Variants in AMOTL1 observed in about 807,000 individuals in gnomAD.
The protein encoded by AMOTL1 is angiomotin-like protein 1.
AMOTL1 carries 45 observed loss-of-function variants against 102.9 expected under a neutral mutation model. The observed-to-expected ratio is 0.44, with a 90% CI of 0.34 to 0.56. AMOTL1 has a LOEUF of 0.56. Ranked by LOEUF, AMOTL1 falls within the 20% of genes least tolerant of loss-of-function variation. The pLI, the probability that AMOTL1 is intolerant of heterozygous loss-of-function variation, is 0.01. For synonymous variants in AMOTL1, 481 were observed against 484.7 expected, an observed-to-expected ratio of 0.99 and a Z score of 0.10; for missense variants, 1,114 against 1,225.6, an observed-to-expected ratio of 0.91 and a Z score of 1.36.
chr11:94,833,091 G>A (rs1273708179), intron 6 of AMOTL1, among the ~76,000 whole-genome samples: 1 of 152,190 alleles, frequency 6.6e-6, no homozygotes, highest in Non-Finnish European at 1.5e-5. Context: ...GCTTGACAAG[G>A]AATTATTTGT....
intron 4 of AMOTL1, among the ~76,000 whole-genome samples, chr11:94,825,095 T>C (rs539010796): frequency 6.6e-6 from 1 of 152,310 alleles, no homozygotes; most frequent in South Asian, 2.1e-4. Context: ...GGTTATTTTT[T>C]TTGCATCTTT....
chr11:94,785,577 G>A (rs11824118), intron 1 of AMOTL1, among the ~76,000 whole-genome samples: 1 of 152,216 alleles, frequency 6.6e-6, no homozygotes, highest in African/African-American at 2.4e-5. Context: ...ATTCATGAAC[G>A]CATATTGATT....
At chr11:94,738,319 G>A (rs1235488233) in intron 2 of AMOTL1, among the ~76,000 whole-genome samples, 1 of 151,248 alleles carries the variant, frequency 6.6e-6, no homozygotes, top group African/African-American at 2.4e-5. Context: ...CTGCAATGGC[G>A]TGATCTCTGC....
In AMOTL1 at chr11:94,834,241, GT is replaced by G. The variant is rs535553027; in HGVS notation, c.1648+2708del. The stretch of plus-strand genomic sequence containing the variant: ...AAGGGAAGCCATCCTTTTCAAGTGA[GT>G]TTTTTTTGGGATTCTAGCACTTGGT... On this transcript the variant is annotated intron_variant, in intron 6 of 12. Coordinates refer to ENST00000433060, the MANE Select transcript of AMOTL1 (RefSeq NM_130847.3). Among the ~76,000 whole-genome samples the G allele has an allele frequency of 9.1e-4, 138 of 152,070 alleles. 2 individuals carry two copies. Among genetic ancestry groups the G allele is most frequent in the African/African-American group, 3.3e-3 (135 of 41,488 alleles).
chr11:94,749,456 C>T (rs1950625939), intron 3 of AMOTL1, among the ~76,000 whole-genome samples: 1 of 152,218 alleles, frequency 6.6e-6, no homozygotes, highest in Admixed American at 6.5e-5. Context: ...CTTCTGGAAA[C>T]ACCCTCACAG....
intron 1 of AMOTL1, among the ~76,000 whole-genome samples, chr11:94,728,011 C>G (rs996884339): frequency 1.3e-5 from 2 of 152,184 alleles, no homozygotes; most frequent in African/African-American, 4.8e-5. Context: ...ATTAAGCCAG[C>G]TGGGCTGACT....
chr11:94,855,389 T>C (rs1283115534), intron 8 of AMOTL1, among the ~76,000 whole-genome samples: 1 of 152,242 alleles, frequency 6.6e-6, no homozygotes, highest in Non-Finnish European at 1.5e-5. Flanking sequence ...GGACTTCTAA[T>C]ACTGATAAAC....
At chr11:94,831,646 TG>T (rs1952074563) in intron 6 of AMOTL1, 105 bp downstream of exon 6, 2 of 1,020,174 alleles carry the variant, frequency 2.0e-6, no homozygotes, top group Admixed American at 4.5e-5. Context: ...GTTTGCTTTT[TG>T]TTTGTTAATT....
intron 6 of AMOTL1, among the ~76,000 whole-genome samples, chr11:94,831,861 TCTC>T (rs1341181030): frequency 6.6e-6 from 1 of 152,188 alleles, no homozygotes; most frequent in African/African-American, 2.4e-5. Flanking sequence ...CAACCCTTTT[TCTC>T]CAGGAAATGG....
In AMOTL1 at chr11:94,781,648, A is replaced by G. The variant is rs368769461; in HGVS notation, c.49+13088A>G. 3.9e-4 allele frequency among the ~76,000 whole-genome samples: 60 copies of G among 152,240 alleles called. 1 individual carries two copies. In the South Asian group the frequency reaches 8.9e-3, roughly 23 times the overall value. On this transcript the variant is annotated intron_variant, in intron 1 of 12. Coordinates refer to ENST00000433060, the MANE Select transcript of AMOTL1 (RefSeq NM_130847.3). ...TCAGGAGATCGAGACCATCCTGGCC[A>G]ACATGGTGAAACCCCGTCTCTACTA...
intron 3 of AMOTL1, among the ~76,000 whole-genome samples, chr11:94,816,612 A>AT (rs111596798): frequency 6.6e-6 from 1 of 150,724 alleles, no homozygotes; most frequent in Non-Finnish European, 1.5e-5. Flanking sequence ...CTGAGATTAA[A>AT]TTTTTTTTTT....
exon 2 of AMOTL1, chr11:94,729,011 G>T (rs1279687563): frequency 1.6e-6 from 2 of 1,289,072 alleles, no homozygotes; most frequent in East Asian, 1.1e-4. Flanking sequence ...GAAGGAGCCT[G>T]GTTATCCCAT....
intron 4 of AMOTL1, among the ~76,000 whole-genome samples, chr11:94,826,356 G>A (rs1453561657): frequency 6.6e-6 from 1 of 152,128 alleles, no homozygotes; most frequent in African/African-American, 2.4e-5. Flanking sequence ...TCTGTCCTCT[G>A]TAATCATACT....
intron 1 of AMOTL1, among the ~76,000 whole-genome samples, chr11:94,721,877 G>A (rs1031764891): frequency 6.6e-6 from 1 of 152,138 alleles, no homozygotes. Flanking sequence ...ACCTGTTCGG[G>A]TATGGCTGTA....
At chr11:94,793,813 A>G (rs985981051) in intron 1 of AMOTL1, among the ~76,000 whole-genome samples, 1 of 152,248 alleles carries the variant, frequency 6.6e-6, no homozygotes, top group Non-Finnish European at 1.5e-5. Flanking sequence ...GTTTATGTTC[A>G]TCTTTAAAGT....
At chr11:94,808,428 T>C (rs1445540665) in intron 3 of AMOTL1, among the ~76,000 whole-genome samples, 1 of 152,238 alleles carries the variant, frequency 6.6e-6, no homozygotes, top group African/African-American at 2.4e-5. Flanking sequence ...CCTTTTTCTA[T>C]TTACCCATTG....
At chr11:94,788,576 A>G (rs1358729995) in intron 1 of AMOTL1, among the ~76,000 whole-genome samples, 1 of 152,190 alleles carries the variant, frequency 6.6e-6, no homozygotes, top group Non-Finnish European at 1.5e-5. Flanking sequence ...AACAGGTAGT[A>G]ATGATTACTC....
At chr11:94,714,923 C>A (rs1950073359) in intron 1 of AMOTL1, among the ~76,000 whole-genome samples, 1 of 151,760 alleles carries the variant, frequency 6.6e-6, no homozygotes. Flanking sequence ...GTATATTTTG[C>A]TCTTCCTTTT....
intron 2 of AMOTL1, among the ~76,000 whole-genome samples, chr11:94,739,309 A>G (rs1008546886): frequency 6.6e-6 from 1 of 152,276 alleles, no homozygotes; most frequent in Admixed American, 6.5e-5. Flanking sequence ...CCTCACCCAA[A>G]CATATTTAAT....
Sources: gnomAD v4.1 joint callset for allele counts (sites outside exome capture counted in the v4.1 genomes callset) on GRCh38, gnomAD v4.1.1 for gene constraint, MANE v1.5 for transcripts, NCBI Gene and HGNC (gene_info 2026-07-23, HGNC 2026-07-21) for gene names.